The following PTPRG variants were observed in gnomAD, a reference collection of about 807,000 sequenced individuals.
PTPRG encodes the protein receptor-type tyrosine-protein phosphatase gamma.
In PTPRG, 102 loss-of-function variants were observed where a neutral mutation model predicts 165.3. The observed-to-expected ratio is 0.62, with a 90% CI of 0.53 to 0.73. The LOEUF is 0.73. Among genes scored for constraint, PTPRG ranks in the 30% least tolerant of loss-of-function variants. The pLI is 0.00. For synonymous variants in PTPRG, 675 were observed against 669.5 expected (o/e 1.01, Z -0.13); for missense variants, 1,866 against 1,861.4 (o/e 1.00, Z -0.05).
chr3:62,008,646 A>G (rs527526917), intron 4 of PTPRG, among the ~76,000 whole-genome samples: 1 of 152,216 alleles, frequency 6.6e-6, no homozygotes, highest in Admixed American at 6.5e-5. Flanking sequence ...TTTCGACACC[A>G]GGGACTGGTT....
intron 15 of PTPRG, among the ~76,000 whole-genome samples, 154 bp downstream of exon 15, chr3:62,244,052 T>C (rs116468623): frequency 0.013 from 1,920 of 152,300 alleles, 42 homozygotes; most frequent in African/African-American, 0.044. Flanking sequence ...TGAGTTAATG[T>C]AGTATACAGT....
chr3:62,289,357 CCCA>C (rs1393049227), intron 28 of PTPRG, among the ~76,000 whole-genome samples: 1 of 152,118 alleles, frequency 6.6e-6, no homozygotes, highest in Non-Finnish European at 1.5e-5. Context: ...CCTGTTAGGG[CCCA>C]CAAGTCCTGG....
intron 5 of PTPRG, among the ~76,000 whole-genome samples, chr3:62,120,767 G>T (rs1355656099): frequency 6.6e-6 from 1 of 150,708 alleles, no homozygotes; most frequent in African/African-American, 2.4e-5. Context: ...AAAAGAAAAA[G>T]ATTGGAAGAT....
At chr3:61,683,561 G>C (rs1054699827) in intron 1 of PTPRG, among the ~76,000 whole-genome samples, 1 of 152,216 alleles carries the variant, frequency 6.6e-6, no homozygotes, top group Admixed American at 6.5e-5. Flanking sequence ...ACACTCTTGA[G>C]TTTGTGGCCT....
At chr3:61,702,006 T>A (rs970313066) in intron 1 of PTPRG, among the ~76,000 whole-genome samples, 1 of 151,244 alleles carries the variant, frequency 6.6e-6, no homozygotes, top group Non-Finnish European at 1.5e-5. Flanking sequence ...TGAGACAGGG[T>A]CTCACTCTGT....
At chr3:62,124,285 C>G (rs1028359950) in intron 5 of PTPRG, 1 of 1,563,382 alleles carries the variant, frequency 6.4e-7, no homozygotes, top group African/African-American at 1.4e-5. Context: ...TGCTGATGTC[C>G]GTGTTGAGGG....
chr3:61,766,082 A>G (rs2034006129), intron 2 of PTPRG, among the ~76,000 whole-genome samples: 1 of 152,226 alleles, frequency 6.6e-6, no homozygotes, highest in African/African-American at 2.4e-5. Flanking sequence ...CTCCTATTGC[A>G]GGTCTACGAG....
intron 1 of PTPRG, among the ~76,000 whole-genome samples, chr3:61,639,388 C>G (rs891403283): frequency 3.9e-5 from 6 of 152,002 alleles, no homozygotes; most frequent in Non-Finnish European, 2.9e-5. Flanking sequence ...TTTGGCTATT[C>G]GGGATCTTTT....
chr3:61,615,725 T>A lies in PTPRG; in HGVS notation c.85+53353T>A, dbSNP rs546002786. On this transcript the variant is annotated intron_variant, in intron 1 of 29. Coordinates refer to ENST00000474889, the MANE Select transcript of PTPRG (RefSeq NM_002841.4). ...GTTATAGTCTGTTACCATCATTATT[T>A]TGATGCTCAGATCTCTCCACATTTA... Among the ~76,000 whole-genome samples, 50 of 152,340 alleles carry A rather than the reference T, an allele frequency of 3.3e-4. No homozygotes were observed. The South Asian group carries it at 0.01, about 32-fold the overall frequency.
chr3:61,661,125 T>C (rs903736171), intron 1 of PTPRG, among the ~76,000 whole-genome samples: 1 of 152,008 alleles, frequency 6.6e-6, no homozygotes, highest in African/African-American at 2.4e-5. Flanking sequence ...CCAGGCTGAG[T>C]GCAGTGGCAT....
At chr3:61,625,335 TA>T (rs1282186747) in intron 1 of PTPRG, among the ~76,000 whole-genome samples, 1 of 152,108 alleles carries the variant, frequency 6.6e-6, no homozygotes, top group African/African-American at 2.4e-5. Flanking sequence ...AAAAATCAAA[TA>T]CTTCTTCATG....
intron 3 of PTPRG, among the ~76,000 whole-genome samples, chr3:61,995,858 C>A (rs759814629): frequency 2.6e-5 from 4 of 151,944 alleles, no homozygotes; most frequent in Non-Finnish European, 2.9e-5. Context: ...CAACCTCTGA[C>A]TATTCTTTGT....
chr3:61,731,142 C>T (rs1337461873), intron 1 of PTPRG, among the ~76,000 whole-genome samples: 3 of 151,890 alleles, frequency 2.0e-5, no homozygotes, highest in African/African-American at 7.3e-5. Context: ...CGATTTGGCT[C>T]CATAAAAATA....
chr3:62,186,517 A>T (rs1295055302), intron 8 of PTPRG, among the ~76,000 whole-genome samples: 1 of 149,008 alleles, frequency 6.7e-6, no homozygotes, highest in African/African-American at 2.5e-5. Context: ...CGGGTGGCCC[A>T]TCGGCCTCAG....
chr3:61,915,757 C>G (rs1575780898), intron 2 of PTPRG, among the ~76,000 whole-genome samples: 1 of 152,134 alleles, frequency 6.6e-6, no homozygotes, highest in Non-Finnish European at 1.5e-5. Flanking sequence ...AATTCTTCAG[C>G]AAGAAGACGC....
intron 20 of PTPRG, among the ~76,000 whole-genome samples, chr3:62,269,545 C>G (rs1701993148): frequency 6.6e-6 from 1 of 152,104 alleles, no homozygotes. Context: ...AATACTTGTC[C>G]TGTAAGATTC....
At chr3:62,066,959 A>T (rs1372969698) in intron 4 of PTPRG, among the ~76,000 whole-genome samples, 1 of 149,432 alleles carries the variant, frequency 6.7e-6, no homozygotes, top group Non-Finnish European at 1.5e-5. Flanking sequence ...AATCACCTGG[A>T]CTCAGGAGGA....
At chr3:62,012,534 T>C (rs374230590) in intron 4 of PTPRG, among the ~76,000 whole-genome samples, 10 of 152,280 alleles carry the variant, frequency 6.6e-5, no homozygotes, top group African/African-American at 2.2e-4. Flanking sequence ...AGGATTCAAG[T>C]CTAAACACAG....
At chr3:61,883,505 C>G (rs1268972059) in intron 2 of PTPRG, among the ~76,000 whole-genome samples, 1 of 152,070 alleles carries the variant, frequency 6.6e-6, no homozygotes, top group Non-Finnish European at 1.5e-5. Flanking sequence ...TAATTCAAAA[C>G]TCCTCTCGTT....
Sources: allele counts gnomAD v4.1 joint callset (sites outside exome capture counted in the v4.1 genomes callset), GRCh38; gene constraint gnomAD v4.1.1; transcripts MANE v1.5; gene names NCBI Gene and HGNC (gene_info 2026-07-23, HGNC 2026-07-21).